The following NEMP1 variants were observed in gnomAD, a reference collection of about 807,000 sequenced individuals.
NEMP1 encodes nuclear envelope integral membrane protein 1, also known as transmembrane protein 194.
In NEMP1, 29 loss-of-function variants were observed where a neutral mutation model predicts 53.7. That is an observed-to-expected ratio of 0.54 (90% CI 0.40 to 0.74). The LOEUF (loss-of-function observed/expected upper bound fraction) is 0.74, where lower values mean the gene tolerates loss of function less well. Among genes scored for constraint, NEMP1 ranks in the 30% least tolerant of loss-of-function variants. The pLI is 0.00. For synonymous variants in NEMP1, 193 were observed against 192.9 expected (o/e 1.00, Z 0.00); for missense variants, 477 against 528.6 (o/e 0.90, Z 0.96).
chr12:57,064,296 T>A, intron 5 of NEMP1, 111 bp from the exon 6 acceptor site: 1 of 646,496 alleles, frequency 1.5e-6, no homozygotes, highest in East Asian at 3.0e-5. Flanking sequence ...CTACTCAAAA[T>A]GCACAAAAAA....
intron 1 of NEMP1, among the ~76,000 whole-genome samples, chr12:57,087,404 C>T (rs542255352): frequency 7.2e-6 from 1 of 139,020 alleles, no homozygotes; most frequent in Non-Finnish European, 1.6e-5. Flanking sequence ...CGTGGAAACC[C>T]GGGGCCAGCG....
Position 57,060,036 on chromosome 12 carries a change from G to A in NEMP1, c.1178C>T (p.Ser393Phe), listed in dbSNP as rs147265652. The change falls in exon 9 of 9, where the codon TCT becomes TTT. Residue 393 changes from serine to phenylalanine, a missense_variant. Ser to Phe is a radical substitution (Grantham distance 155). Transcript: ENST00000300128. ...AACTTCATTTGGCGTGAGGTGGGAA[G>A]AGCCTTCCACAAAGTCAGCAAATCT... ...PKRFADFVEG[S>F]SHLTPNEVSV... The A allele has an allele frequency of 3.7e-6, 6 of 1,613,954 alleles. No individual in the cohort carries two copies. The highest frequency in any genetic ancestry group is 2.7e-5 in the African/African-American group (2 of 74,994).
chr12:57,082,037 T>G (rs562447872), upstream of NEMP1, among the ~76,000 whole-genome samples: 2 of 151,570 alleles, frequency 1.3e-5, no homozygotes, highest in Non-Finnish European at 2.9e-5. Flanking sequence ...GCCACCATAG[T>G]GAAACCCCGT....
At chr12:57,074,695 A>T (rs1056290256) in intron 1 of NEMP1, among the ~76,000 whole-genome samples, 1 of 152,230 alleles carries the variant, frequency 6.6e-6, no homozygotes, top group African/African-American at 2.4e-5. Flanking sequence ...TTCAAATTTT[A>T]ACAGCAGGCA....
upstream of NEMP1, among the ~76,000 whole-genome samples, chr12:57,079,375 A>G (rs1451730850): frequency 6.6e-6 from 1 of 152,260 alleles, no homozygotes; most frequent in East Asian, 1.9e-4. Flanking sequence ...TTTTGGAAGT[A>G]AAATTAATGT....
In NEMP1 at chr12:57,057,235, G is replaced by A. The variant is rs960132660; in HGVS notation, c.*2644C>T. 1 of 152,242 alleles carries A rather than the reference G, an allele frequency of 6.6e-6. No individual in the cohort carries two copies. Among genetic ancestry groups the A allele is most frequent in the African/African-American group, 2.4e-5 (1 of 41,450 alleles). The allele number at this position is 152,242 out of a possible 1,614,324, so 9.4% of individuals were successfully genotyped here. On this transcript the variant is annotated 3_prime_UTR_variant, in exon 9 of 9. Transcript: ENST00000300128. ...ATCCAGAGCCCTGGAGCCCATTTAT[G>A]GCTTGACATTCACCCAGCAAGACGC...
rs1048034808 is a variant in NEMP1, at chr12:57,058,576, G to A, written c.*1303C>T. The A allele has an allele frequency of 2.6e-5, 4 of 152,196 alleles. No individual in the cohort carries two copies. Among genetic ancestry groups the A allele is most frequent in the African/African-American group, 9.7e-5 (4 of 41,436 alleles). 9.4% of individuals were successfully genotyped at this position (152,196 alleles called of 1,614,324 possible). On this transcript the variant is annotated 3_prime_UTR_variant, in exon 9 of 9. Transcript: ENST00000300128. ...AATGGCAAAAGAATCTGAAACTAATGCTACTGCAATAACAGGCAGCATACA... is the reference window on the plus strand; with the variant it reads ...AATGGCAAAAGAATCTGAAACTAATACTACTGCAATAACAGGCAGCATACA...
intron 4 of NEMP1, among the ~76,000 whole-genome samples, chr12:57,067,560 C>T (rs1478141269): frequency 6.6e-6 from 1 of 152,144 alleles, no homozygotes; most frequent in Non-Finnish European, 1.5e-5. Context: ...TGCCACGAAC[C>T]TTCAATTTGG....
intron 6 of NEMP1, 92 bp from the exon 7 acceptor site, chr12:57,063,436 A>T: frequency 1.1e-6 from 1 of 887,776 alleles, no homozygotes; most frequent in African/African-American, 1.7e-5. Context: ...ACTATATAGC[A>T]CCAATTGAAC....
intron 1 of NEMP1, among the ~76,000 whole-genome samples, chr12:57,076,495 C>G (rs2032627788): frequency 6.6e-6 from 1 of 151,968 alleles, no homozygotes; most frequent in African/African-American, 2.4e-5. Flanking sequence ...GAAACCCCAT[C>G]TCTACTAAAA....
intron 4 of NEMP1, among the ~76,000 whole-genome samples, chr12:57,067,045 G>C (rs1405475581): frequency 6.6e-6 from 1 of 152,178 alleles, no homozygotes; most frequent in Non-Finnish European, 1.5e-5. Flanking sequence ...GAACTAATAG[G>C]CTGGGCGCAG....
At position 57,070,787 on chromosome 12, in the gene NEMP1, A is replaced by G; in HGVS notation, c.359T>C (p.Leu120Ser). The change falls in exon 3 of 9, where the codon TTA becomes TCA. Residue 120 changes from leucine (L) to serine (S), a missense_variant. Coordinates refer to ENST00000300128, the MANE Select transcript of NEMP1 (RefSeq NM_001130963.2). The part of the protein sequence containing the change: ...FSIWNFFSSF[L>S]KEKLNDTYVN... ...ATAGGTGTCATTCAATTTCTCTTTT[A>G]AAAAGGAGGAAAAAAAGTTCCAGAT... 1 of 1,612,896 alleles carries G rather than the reference A, an allele frequency of 6.2e-7. No homozygotes were observed. Among genetic ancestry groups the G allele is most frequent in the Non-Finnish European group, 8.5e-7 (1 of 1,179,328 alleles).
chr12:57,068,464 C>T (rs2032199256), intron 4 of NEMP1, among the ~76,000 whole-genome samples: 1 of 151,930 alleles, frequency 6.6e-6, no homozygotes, highest in South Asian at 2.1e-4. Context: ...GGTTCTCGTG[C>T]CTTAGCCTCT....
intron 4 of NEMP1, among the ~76,000 whole-genome samples, chr12:57,068,743 T>A (rs554148761): frequency 2.0e-5 from 3 of 152,172 alleles, no homozygotes; most frequent in Non-Finnish European, 4.4e-5. Context: ...TTTTTTTGCA[T>A]TTTCAGTAGA....
Position 57,078,785 on chromosome 12 carries a change from A to G in NEMP1, c.-40T>C, listed in dbSNP as rs1478364900. On this transcript the variant is annotated 5_prime_UTR_variant, in exon 1 of 9. Transcript: ENST00000300128. ...ACCTCCTCCTCACGTGCCTTACCCC[A>G]GCAACTAACTCCGAACGGGCAACGA... 12 of 1,585,080 alleles carry G rather than the reference A, an allele frequency of 7.6e-6. No homozygotes were observed. The highest frequency in any genetic ancestry group is 1.0e-5 in the Non-Finnish European group (12 of 1,162,330).
chr12:57,060,911 G>C lies in NEMP1; in HGVS notation c.1015C>G (p.Pro339Ala). ...TATTCTTCTTCTGTCAGGAGACGAG[G>C]GGGAACAGGCTTTTCTGCTCCCTTA... The part of the protein sequence containing the change: ...VCKGAEKPVP[P>A]RLLTEEEYRI... The change falls in exon 8 of 9, where the codon CCT becomes GCT. Residue 339 changes from proline to alanine, a missense_variant. Pro to Ala is a conservative substitution (Grantham distance 27, BLOSUM62 -1). Coordinates refer to ENST00000300128, the MANE Select transcript of NEMP1 (RefSeq NM_001130963.2). The C allele has an allele frequency of 6.2e-7, 1 of 1,614,088 alleles. No homozygotes were observed. The highest frequency in any genetic ancestry group is 8.5e-7 in the Non-Finnish European group (1 of 1,180,002).
chr12:57,070,598 G>A (rs34762603), intron 3 of NEMP1, 76 bp downstream of exon 3: 109,837 of 1,274,328 alleles, frequency 0.086, 5,023 homozygotes, highest in East Asian at 0.15. Context: ...TGACTTCTCA[G>A]TCTCACTAAT....
At chr12:57,087,320 G>C (rs1365437732) in intron 1 of NEMP1, among the ~76,000 whole-genome samples, 1 of 152,190 alleles carries the variant, frequency 6.6e-6, no homozygotes, top group Non-Finnish European at 1.5e-5. Context: ...GAGGGAGGGG[G>C]GCGCCTCGAG....
At chr12:57,083,102 C>CAT (rs1261698332), upstream of NEMP1, among the ~76,000 whole-genome samples, 3 of 152,098 alleles carry the variant, frequency 2.0e-5, no homozygotes, top group East Asian at 1.9e-4. Context: ...TATATATACA[C>CAT]ATATATATAC....
Sources: gnomAD v4.1 joint callset for allele counts (sites outside exome capture counted in the v4.1 genomes callset) on GRCh38, gnomAD v4.1.1 for gene constraint, MANE v1.5 for transcripts, NCBI Gene and HGNC (gene_info 2026-07-23, HGNC 2026-07-21) for gene names.